Variants in DFFB observed in about 807,000 individuals in gnomAD.
DFFB encodes the protein DNA fragmentation factor 40 kDa subunit.
Under a neutral mutation model 32.7 loss-of-function variants are expected in DFFB, and 29 were observed. That is an observed-to-expected ratio of 0.89 (90% CI 0.66 to 1.21). The LOEUF (loss-of-function observed/expected upper bound fraction) is 1.21. Among genes scored for constraint, DFFB ranks in the 50% most tolerant of loss-of-function variants. The probability of loss-of-function intolerance (pLI) is 0.00; values close to 1 mark genes in which losing one functional copy is unlikely to be tolerated. For missense variants in DFFB, 398 were observed against 440.6 expected, an observed-to-expected ratio of 0.90 and a Z score of 0.87; for synonymous variants, 170 against 177.1, an observed-to-expected ratio of 0.96 and a Z score of 0.32.
At chr1:3,876,742 C>T (rs1170546885) in intron 6 of DFFB, among the ~76,000 whole-genome samples, 2 of 152,258 alleles carry the variant, frequency 1.3e-5, no homozygotes, top group Non-Finnish European at 2.9e-5. Flanking sequence ...TAAACATGGC[C>T]TGCCACCTGC....
chr1:3,880,658 T>C (rs376822406), intron 6 of DFFB, among the ~76,000 whole-genome samples: 69 of 151,952 alleles, frequency 4.5e-4, no homozygotes, highest in Middle Eastern at 3.4e-3. Flanking sequence ...TCCTCTGTGC[T>C]CCAGTGTGTC....
chr1:3,872,665 C>T (rs746071644), intron 6 of DFFB, 93 bp downstream of exon 6: 807 of 411,362 alleles, frequency 2.0e-3, no homozygotes, highest in Middle Eastern at 2.6e-3. Flanking sequence ...GTCCCTGCCA[C>T]GGCCCTGTCC....
chr1:3,882,756 C>T (rs181031537), intron 6 of DFFB, among the ~76,000 whole-genome samples: 1 of 152,274 alleles, frequency 6.6e-6, no homozygotes, highest in Admixed American at 6.5e-5. Flanking sequence ...ATAGTGATTA[C>T]CTCTGAGGGG....
intron 6 of DFFB, 42 bp downstream of exon 6, chr1:3,872,614 GGGCCCTGTCCCTGCCGT>G (rs1645142013): frequency 1.6e-5 from 15 of 959,606 alleles, no homozygotes; most frequent in South Asian, 9.8e-5. Context: ...AGTGCCTGCA[GGGCCCTGTCCCTGCCGT>G]GGCCCTGTCC....
chr1:3,870,575 G>A (rs1244854754), intron 5 of DFFB, among the ~76,000 whole-genome samples: 1 of 152,234 alleles, frequency 6.6e-6, no homozygotes, highest in East Asian at 1.9e-4. Flanking sequence ...CTGTGGGAGG[G>A]GTTGGGACAC....
chr1:3,884,165 T>A lies in DFFB; in HGVS notation c.*424T>A, dbSNP rs950293109. The stretch of plus-strand genomic sequence containing the variant: ...TCCCAAAGTGCTGGGATGACAGGTG[T>A]GAGCCACTGCGCCCAGCCTGAATCA... On this transcript the variant is annotated 3_prime_UTR_variant, in exon 7 of 7. Transcript: ENST00000378209. The A allele has an allele frequency of 7.2e-5, 16 of 223,588 alleles. No individual in the cohort carries two copies. The highest frequency in any genetic ancestry group is 3.3e-4 in the South Asian group (5 of 15,240). The allele number at this position is 223,588 out of a possible 1,614,324, so 13.9% of individuals were successfully genotyped here.
Position 3,865,958 on chromosome 1 carries a change from A to G in DFFB, c.388A>G (p.Ile130Val), listed in dbSNP as rs1049853496. The stretch of plus-strand genomic sequence containing the variant: ...CCTCCTGCACAACGTCAGCCAGAAC[A>G]TCGCGGCCGAGACCCGGGCTGAGGA... ...ADLLHNVSQN[I>V]AAETRAEDPP... Residue 130 changes from isoleucine to valine, a missense_variant, in exon 3 of 7, where the codon ATC (isoleucine) becomes GTC (valine). Transcript: ENST00000378209. The surrounding 1 kb of genome is among the most constrained non-coding windows in gnomAD (Gnocchi z 4.7). The G allele has an allele frequency of 3.1e-6, 5 of 1,591,786 alleles. No individual in the cohort carries two copies. The African/African-American group carries it at 6.7e-5, about 21-fold the overall frequency.
In DFFB at chr1:3,858,773, AAG is replaced by A; in HGVS notation, c.172_173del (p.Asp58LeufsTer51). 2 of 1,614,140 alleles carry A rather than the reference AAG, an allele frequency of 1.2e-6. No individual in the cohort carries two copies. The highest frequency in any genetic ancestry group is 2.2e-5 in the South Asian group (2 of 91,088). ...TACGAGGATGGCACGGAGCTGACGGAAGATTACTTCCCCAGTGTTCCCGACAA... is the reference window on the plus strand; with the variant it reads ...TACGAGGATGGCACGGAGCTGACGGAATTACTTCCCCAGTGTTCCCGACAA... On this transcript the variant is annotated frameshift_variant, in exon 2 of 7. Coordinates refer to ENST00000378209, the MANE Select transcript of DFFB (RefSeq NM_004402.4). LOFTEE classifies it high-confidence loss of function.
chr1:3,873,593 CT>C (rs1356945801), intron 6 of DFFB, among the ~76,000 whole-genome samples: 7 of 152,020 alleles, frequency 4.6e-5, no homozygotes, highest in Admixed American at 3.9e-4. Context: ...GATTCTCCTA[CT>C]TTAGCTTCCC....
At chr1:3,868,343 G>A (rs527373950) in intron 4 of DFFB, among the ~76,000 whole-genome samples, 31 of 152,106 alleles carry the variant, frequency 2.0e-4, no homozygotes, top group East Asian at 1.4e-3. Flanking sequence ...CTCTCCCCCC[G>A]AGGCTTCTTC....
At position 3,874,615 on chromosome 1, in the gene DFFB, C is replaced by T. The variant is rs1202502259; in HGVS notation, c.782+2043C>T. Among the ~76,000 whole-genome samples the T allele has an allele frequency of 2.0e-4, 24 of 119,438 alleles. No individual in the cohort carries two copies. The East Asian group carries it at 5.7e-3, about 28-fold the overall frequency. 78.4% of individuals were successfully genotyped at this position (119,438 alleles called of 152,430 possible). A position where few individuals can be genotyped will look rare whatever the true frequency, so the allele number is the denominator to read the frequency against. On this transcript the variant is annotated intron_variant, in intron 6 of 6. Transcript: ENST00000378209. The stretch of plus-strand genomic sequence containing the variant: ...CGTGTAGCTGCACCTTTACCACACG[C>T]GTGTGGGTTTAACATGCACATACGT...
At chr1:3,873,790 T>A (rs531148913) in intron 6 of DFFB, among the ~76,000 whole-genome samples, 1 of 152,272 alleles carries the variant, frequency 6.6e-6, no homozygotes, top group East Asian at 1.9e-4. Flanking sequence ...GATGTGGGAT[T>A]TTTTTAAGGA....
chr1:3,864,992 ACAAAATAC>A (rs1644948140), intron 2 of DFFB, among the ~76,000 whole-genome samples: 2 of 152,082 alleles, frequency 1.3e-5, no homozygotes, highest in Non-Finnish European at 2.9e-5. Flanking sequence ...CACCCCACAA[ACAAAATAC>A]CTGGACATGA....
Position 3,883,627 on chromosome 1 carries a change from AGT to A in DFFB, c.905_906del (p.Val302AlafsTer6). 1.9e-6 allele frequency: 3 copies of A among 1,614,118 alleles called. No individual in the cohort carries two copies. The highest frequency in any genetic ancestry group is 1.7e-6 in the Non-Finnish European group (2 of 1,180,006). On this transcript the variant is annotated frameshift_variant, in exon 7 of 7. Transcript: ENST00000378209. LOFTEE classifies it low-confidence loss of function (END_TRUNC). ...LLFTSENLKL[V>X]HIVCHKKTTH... ...TTTTTACCTCAGAGAACCTAAAACTAGTGCACATTGTCTGCCATAAGAAAACC... is the reference window on the plus strand; with the variant it reads ...TTTTTACCTCAGAGAACCTAAAACTAGCACATTGTCTGCCATAAGAAAACC...
At chr1:3,859,189 A>G (rs1309061976) in intron 2 of DFFB, among the ~76,000 whole-genome samples, 1 of 151,936 alleles carries the variant, frequency 6.6e-6, no homozygotes, top group Non-Finnish European at 1.5e-5. Context: ...GGAGCCAGGA[A>G]GAGATGCTGT....
In DFFB at chr1:3,877,574, C is replaced by T. The variant is rs186854044; in HGVS notation, c.782+5002C>T. Among the ~76,000 whole-genome samples the T allele has an allele frequency of 2.6e-4, 40 of 152,306 alleles. 1 individual carries two copies. The East Asian group carries it at 6.9e-3, about 26-fold the overall frequency. On this transcript the variant is annotated intron_variant, in intron 6 of 6. Coordinates refer to ENST00000378209, the MANE Select transcript of DFFB (RefSeq NM_004402.4). The stretch of plus-strand genomic sequence containing the variant: ...CGAACTTCTGACCTCAAGTAATCCA[C>T]CCGCCTCAGCCTCCCAAAGTGCTGG...
At chr1:3,876,886 C>T (rs778749640) in intron 6 of DFFB, among the ~76,000 whole-genome samples, 14 of 152,240 alleles carry the variant, frequency 9.2e-5, no homozygotes, top group Non-Finnish European at 1.9e-4. Context: ...CCGAGGAAGA[C>T]GGCCTGGCCC....
intron 4 of DFFB, among the ~76,000 whole-genome samples, chr1:3,868,786 G>T (rs910482491): frequency 1.3e-5 from 2 of 151,246 alleles, no homozygotes; most frequent in Non-Finnish European, 2.9e-5. Context: ...CCTGCAATGG[G>T]TGTCCTGTCC....
chr1:3,864,533 T>G (rs890837341), intron 2 of DFFB, among the ~76,000 whole-genome samples: 4 of 152,082 alleles, frequency 2.6e-5, no homozygotes, highest in African/African-American at 9.7e-5. Context: ...TCTGAATATC[T>G]TTTATAAAAA....
Sources: gnomAD v4.1 joint callset for allele counts (sites outside exome capture counted in the v4.1 genomes callset) on GRCh38, gnomAD v4.1.1 for gene constraint, Gnocchi (gnomAD v3.1) non-coding constraint, MANE v1.5 for transcripts, NCBI Gene and HGNC (gene_info 2026-07-23, HGNC 2026-07-21) for gene names.